ZNF365: variants seen among roughly 807,000 people sequenced by gnomAD.
The protein encoded by ZNF365 is protein ZNF365.
ZNF365 carries 22 observed loss-of-function variants against 35.0 expected under a neutral mutation model. The observed-to-expected ratio is 0.63, with a 90% CI of 0.45 to 0.90. The LOEUF is 0.90. Among genes scored for constraint, ZNF365 ranks in the 40% least tolerant of loss-of-function variants. The pLI is 0.00. For synonymous variants in ZNF365, 188 were observed against 196.2 expected (o/e 0.96, Z 0.35); for missense variants, 448 against 500.3 (o/e 0.90, Z 1.00).
At chr10:62,439,244 C>T (rs752418534) in intron 3 of ZNF365, among the ~76,000 whole-genome samples, 23 of 152,230 alleles carry the variant, frequency 1.5e-4, no homozygotes, top group East Asian at 7.7e-4. Context: ...TTTCTCTTCT[C>T]GGTCTCTGTC....
At chr10:62,395,176 A>C (rs17311454) in intron 3 of ZNF365, among the ~76,000 whole-genome samples, 7,023 of 152,226 alleles carry the variant, frequency 0.046, 207 homozygotes, top group Middle Eastern at 0.092. Context: ...TGTTAAAAGC[A>C]TCTGAGTTAT....
chr10:62,456,540 A>T (rs2132477422), intron 3 of ZNF365, among the ~76,000 whole-genome samples: 1 of 152,346 alleles, frequency 6.6e-6, no homozygotes, highest in East Asian at 1.9e-4. Flanking sequence ...AAAAAGCCAA[A>T]TCCATCTGAT....
intron 4 of ZNF365, among the ~76,000 whole-genome samples, chr10:62,475,942 C>A (rs988809548): frequency 1.3e-5 from 2 of 152,028 alleles, no homozygotes; most frequent in African/African-American, 4.8e-5. Context: ...TTATGAAGAC[C>A]CTCTTAAAAC....
At chr10:62,465,871 G>A (rs749235912) in intron 4 of ZNF365, among the ~76,000 whole-genome samples, 5 of 152,130 alleles carry the variant, frequency 3.3e-5, no homozygotes, top group African/African-American at 7.2e-5. Flanking sequence ...GTGAAGCATC[G>A]CAACCCTTCT....
intron 3 of ZNF365, among the ~76,000 whole-genome samples, chr10:62,430,459 C>A (rs1227138755): frequency 6.6e-6 from 1 of 152,058 alleles, no homozygotes; most frequent in African/African-American, 2.4e-5. Context: ...GGATTACAGG[C>A]GTGATGGAAA....
At chr10:62,396,666 A>T (rs1839732880) in intron 3 of ZNF365, among the ~76,000 whole-genome samples, 1 of 152,200 alleles carries the variant, frequency 6.6e-6, no homozygotes, top group Non-Finnish European at 1.5e-5. Flanking sequence ...AGTTCTAAAA[A>T]CATTTTTGAA....
chr10:62,465,055 C>T (rs980324967), intron 4 of ZNF365, among the ~76,000 whole-genome samples: 2 of 152,224 alleles, frequency 1.3e-5, no homozygotes, highest in East Asian at 3.8e-4. Context: ...AGCTCCAGAT[C>T]CAAGCATCCC....
chr10:62,428,129 TATG>T (rs1840277635), intron 3 of ZNF365, among the ~76,000 whole-genome samples: 1 of 152,154 alleles, frequency 6.6e-6, no homozygotes, highest in African/African-American at 2.4e-5. Flanking sequence ...ACACAAATAT[TATG>T]ATATTTACCT....
intron 4 of ZNF365, among the ~76,000 whole-genome samples, chr10:62,463,695 C>T (rs976376112): frequency 6.6e-6 from 1 of 152,218 alleles, no homozygotes; most frequent in African/African-American, 2.4e-5. Context: ...ACAGTGTAAA[C>T]ATAATGCCCA....
chr10:62,442,809 T>C (rs1337676904), intron 3 of ZNF365, among the ~76,000 whole-genome samples: 6 of 152,190 alleles, frequency 3.9e-5, no homozygotes, highest in African/African-American at 1.2e-4. Flanking sequence ...GCTGGCTTTA[T>C]CCCCAACATG....
chr10:62,470,075 T>C (rs1288829094), intron 4 of ZNF365, among the ~76,000 whole-genome samples: 7 of 152,218 alleles, frequency 4.6e-5, no homozygotes, highest in Non-Finnish European at 8.8e-5. Flanking sequence ...GTGATGAGCA[T>C]CCTTTTAGAT....
chr10:62,389,690 G>A (rs7909506), intron 3 of ZNF365, among the ~76,000 whole-genome samples: 4,194 of 152,264 alleles, frequency 0.028, 189 homozygotes, highest in African/African-American at 0.095. Flanking sequence ...AGGGAGGAAG[G>A]ACGGAAAGAA....
intron 2 of ZNF365, among the ~76,000 whole-genome samples, chr10:62,382,506 T>A (rs1445956104): frequency 3.3e-5 from 5 of 152,252 alleles, no homozygotes; most frequent in Non-Finnish European, 7.3e-5. Flanking sequence ...TTTCTATCTC[T>A]GCATATTCTC....
At chr10:62,405,700 C>G (rs1215229070), downstream of ZNF365, among the ~76,000 whole-genome samples, 1 of 152,174 alleles carries the variant, frequency 6.6e-6, no homozygotes, top group Non-Finnish European at 1.5e-5. Flanking sequence ...CAAGGAATTT[C>G]GAAGTCTCAG....
chr10:62,416,252 A>G (rs867081455), intron 3 of ZNF365, among the ~76,000 whole-genome samples: 1 of 152,086 alleles, frequency 6.6e-6, no homozygotes, highest in African/African-American at 2.4e-5. Context: ...CCAGAAAAAA[A>G]AAAACGATGA....
At chr10:62,438,444 T>C (rs1840442668) in intron 3 of ZNF365, among the ~76,000 whole-genome samples, 1 of 152,020 alleles carries the variant, frequency 6.6e-6, no homozygotes, top group Non-Finnish European at 1.5e-5. Flanking sequence ...CGCGTTGGCC[T>C]CCCAAAATGC....
chr10:62,403,440 C>T (rs934799258), downstream of ZNF365, among the ~76,000 whole-genome samples: 9 of 152,110 alleles, frequency 5.9e-5, no homozygotes, highest in Middle Eastern at 3.2e-3. Flanking sequence ...GGGCGGATCA[C>T]GAGGTCAGGA....
chr10:62,395,349 T>C (rs7920612), intron 3 of ZNF365, among the ~76,000 whole-genome samples: 9,577 of 147,026 alleles, frequency 0.065, 656 homozygotes, highest in African/African-American at 0.18. Flanking sequence ...CTGACACTCT[T>C]TTTTTTTTTT....
chr10:62,437,399 G>C lies in ZNF365; in HGVS notation c.925-22342G>C, dbSNP rs114703519. Among the ~76,000 whole-genome samples the C allele has an allele frequency of 5.7e-3, 870 of 152,244 alleles. 8 individuals carry two copies. The highest frequency in any genetic ancestry group is 0.02 in the African/African-American group (836 of 41,540). ...TTTCCTTGCTTTCTGGAAATTCTACGCACGTCATAGAGTAAATGTCAAATT... is the reference window on the plus strand; with the variant it reads ...TTTCCTTGCTTTCTGGAAATTCTACCCACGTCATAGAGTAAATGTCAAATT... On this transcript the variant is annotated intron_variant, in intron 3 of 4. Coordinates refer to the ZNF365 transcript ENST00000395255.
Sources: allele counts gnomAD v4.1 joint callset (sites outside exome capture counted in the v4.1 genomes callset), GRCh38; gene constraint gnomAD v4.1.1; transcripts MANE v1.5; gene names NCBI Gene and HGNC (gene_info 2026-07-23, HGNC 2026-07-21).